ARHGEF9: variants seen among roughly 807,000 people sequenced by gnomAD.
The protein encoded by ARHGEF9 is rho guanine nucleotide exchange factor 9.
Under a neutral mutation model 41.3 loss-of-function variants are expected in ARHGEF9, and 2 were observed. That is an observed-to-expected ratio of 0.05 (90% CI 0.02 to 0.15). The LOEUF (loss-of-function observed/expected upper bound fraction) is 0.15, where lower values mean the gene tolerates loss of function less well. Ranked by LOEUF, ARHGEF9 falls within the 10% of genes least tolerant of loss-of-function variation. The pLI, the probability that ARHGEF9 is intolerant of heterozygous loss-of-function variation, is 1.00. For synonymous variants in ARHGEF9, 160 were observed against 154.4 expected (o/e 1.04, Z -0.27); for missense variants, 225 against 424.7 (o/e 0.53, Z 4.13).
intron 3 of ARHGEF9, among the ~76,000 whole-genome samples, chrX:63,698,097 A>G (rs1232149060): frequency 1.9e-5 from 2 of 106,575 alleles, no homozygotes; most frequent in Non-Finnish European, 3.8e-5. Flanking sequence ...TGTTTAGGAC[A>G]CATTTATAAA....
chrX:63,656,270 G>A (rs1407551979), intron 7 of ARHGEF9, among the ~76,000 whole-genome samples: 10 of 111,391 alleles, frequency 9.0e-5, no homozygotes, highest in African/African-American at 3.3e-4. Context: ...GGCCCAGTCT[G>A]CCAAGAGAAA....
At chrX:63,690,432 C>A (rs1435839460) in intron 4 of ARHGEF9, among the ~76,000 whole-genome samples, 2 of 111,015 alleles carry the variant, frequency 1.8e-5, no homozygotes, top group Non-Finnish European at 3.8e-5. Context: ...CAAGATTGAA[C>A]CATGAATAAA....
intron 1 of ARHGEF9, among the ~76,000 whole-genome samples, chrX:63,776,076 C>T (rs1419498875): frequency 1.8e-5 from 2 of 111,049 alleles, no homozygotes; most frequent in Admixed American, 9.6e-5. Context: ...CAGCCCAGTA[C>T]ATTTTGTGTG....
chrX:63,780,074 C>T (rs781949963), intron 1 of ARHGEF9, among the ~76,000 whole-genome samples: 1 of 111,388 alleles, frequency 9.0e-6, no homozygotes, highest in Non-Finnish European at 1.9e-5. Context: ...TTTTGCCTTC[C>T]AAAATTATGG....
chrX:63,722,496 G>T (rs2053694370), intron 2 of ARHGEF9, among the ~76,000 whole-genome samples: 1 of 107,700 alleles, frequency 9.3e-6, no homozygotes, highest in African/African-American at 3.4e-5. Flanking sequence ...GGCTGCTGGG[G>T]CTTTGTTCCT....
chrX:63,685,868 G>T lies in ARHGEF9; in HGVS notation c.583-7296C>A, dbSNP rs782298172. 9.9e-5 allele frequency among the ~76,000 whole-genome samples: 11 copies of T among 111,358 alleles called. No individual in the cohort carries two copies. In the East Asian group the frequency reaches 3.1e-3, roughly 31 times the overall value. Reference sequence around the variant, plus strand: ...TCTATTTTTAAAAAAGTAGAAAACCGTTATGATTTTGAGATAGGCAAAGAA... The same window carrying T: ...TCTATTTTTAAAAAAGTAGAAAACCTTTATGATTTTGAGATAGGCAAAGAA... On this transcript the variant is annotated intron_variant, in intron 4 of 9. Transcript: ENST00000671741.
At chrX:63,677,194 C>G (rs1387625517) in intron 5 of ARHGEF9, among the ~76,000 whole-genome samples, 1 of 111,916 alleles carries the variant, frequency 8.9e-6, no homozygotes, top group Non-Finnish European at 1.9e-5. Flanking sequence ...CTGGGCCCAG[C>G]CTCTTATTGG....
At chrX:63,721,059 C>A (rs782298597) in intron 2 of ARHGEF9, among the ~76,000 whole-genome samples, 2 of 111,492 alleles carry the variant, frequency 1.8e-5, no homozygotes, top group Non-Finnish European at 3.8e-5. Context: ...ACTTAATTGG[C>A]CCCTGTAAGC....
intron 4 of ARHGEF9, among the ~76,000 whole-genome samples, chrX:63,683,126 A>T (rs1255399709): frequency 9.0e-6 from 1 of 111,408 alleles, no homozygotes; most frequent in Non-Finnish European, 1.9e-5. Flanking sequence ...AACCTGTTAG[A>T]AAAAGTGAAT....
At chrX:63,643,893 C>T (rs1602178381) in intron 9 of ARHGEF9, 87 bp downstream of exon 9, 2 of 1,030,134 alleles carry the variant, frequency 1.9e-6, no homozygotes, top group East Asian at 3.1e-5. Flanking sequence ...CCAAGTAAAC[C>T]TCAGCACAGA....
intron 4 of ARHGEF9, among the ~76,000 whole-genome samples, chrX:63,682,133 C>CAACA (rs1569465409): frequency 9.8e-6 from 1 of 101,524 alleles, no homozygotes; most frequent in Non-Finnish European, 2.0e-5. Context: ...TTAAACTCTT[C>CAACA]AATAAATAAA....
At chrX:63,656,177 G>C (rs1422312851) in intron 7 of ARHGEF9, among the ~76,000 whole-genome samples, 2 of 111,289 alleles carry the variant, frequency 1.8e-5, no homozygotes, top group Admixed American at 1.9e-4. Context: ...TGAGTAGTAA[G>C]AGTAGCTAGG....
chrX:63,707,863 GA>G (rs2052659221), intron 2 of ARHGEF9, among the ~76,000 whole-genome samples: 1 of 111,427 alleles, frequency 9.0e-6, no homozygotes, highest in East Asian at 2.8e-4. Flanking sequence ...ACCACTCAGT[GA>G]ACTTAGAGAT....
chrX:63,648,358 T>A (rs1260735524), intron 8 of ARHGEF9, among the ~76,000 whole-genome samples: 29 of 110,968 alleles, frequency 2.6e-4, no homozygotes, highest in Non-Finnish European at 5.3e-4. Context: ...CTAAGCTTCA[T>A]AAGTGAAGGA....
At chrX:63,743,897 G>T (rs1470893647) in intron 1 of ARHGEF9, among the ~76,000 whole-genome samples, 1 of 111,925 alleles carries the variant, frequency 8.9e-6, no homozygotes, top group Non-Finnish European at 1.9e-5. Flanking sequence ...ATAAATAAAA[G>T]AAAGCTTATT....
chrX:63,748,745 G>A (rs2055427776), intron 1 of ARHGEF9, among the ~76,000 whole-genome samples: 1 of 111,892 alleles, frequency 8.9e-6, no homozygotes, highest in Admixed American at 9.4e-5. Context: ...AGGGGACCTG[G>A]CATGGGTATT....
intron 2 of ARHGEF9, among the ~76,000 whole-genome samples, chrX:63,722,413 T>G (rs1439402980): frequency 7.4e-5 from 8 of 107,472 alleles, no homozygotes; most frequent in East Asian, 2.9e-4. Context: ...GTTTTTTGTT[T>G]TTTTTTTTTT....
intron 1 of ARHGEF9, among the ~76,000 whole-genome samples, chrX:63,738,186 A>G (rs1205004830): frequency 1.8e-5 from 2 of 111,838 alleles, no homozygotes; most frequent in Non-Finnish European, 3.8e-5. Context: ...AAGAATCTCC[A>G]AAGCATAGCA....
At chrX:63,663,670 C>A (rs1385773465) in intron 7 of ARHGEF9, among the ~76,000 whole-genome samples, 1 of 111,477 alleles carries the variant, frequency 9.0e-6, no homozygotes, top group East Asian at 2.8e-4. Context: ...CCATTCCTCC[C>A]AGCTCTATCT....
Sources: gnomAD v4.1 joint callset for allele counts (sites outside exome capture counted in the v4.1 genomes callset) on GRCh38, gnomAD v4.1.1 for gene constraint, MANE v1.5 for transcripts, NCBI Gene and HGNC (gene_info 2026-07-23, HGNC 2026-07-21) for gene names.